RPS6KC1: variants seen among roughly 807,000 people sequenced by gnomAD.
RPS6KC1 encodes the protein ribosomal protein S6 kinase C1, also known as inactive ribosomal protein S6 kinase delta-1.
A neutral mutation model predicts 103.8 loss-of-function variants in RPS6KC1; 54 were observed. The ratio of observed to expected loss-of-function variants is 0.52; its 90% CI spans 0.42 to 0.65. RPS6KC1 has a LOEUF of 0.65. RPS6KC1 is among the 30% of genes least tolerant of loss of function. The pLI, the probability that RPS6KC1 is intolerant of heterozygous loss-of-function variation, is 0.00. For synonymous variants in RPS6KC1, 439 were observed against 438.7 expected, an observed-to-expected ratio of 1.00 and a Z score of -0.01; for missense variants, 1,151 against 1,253.8, an observed-to-expected ratio of 0.92 and a Z score of 1.24.
At chr1:213,076,250 G>A (rs1287196536) in intron 2 of RPS6KC1, among the ~76,000 whole-genome samples, 1 of 152,202 alleles carries the variant, frequency 6.6e-6, no homozygotes, top group Non-Finnish European at 1.5e-5. Context: ...ATTATAGTCT[G>A]CCTAGCCTCC....
chr1:213,681,242 G>A, the RPS6KC1 span, among the ~76,000 whole-genome samples: 3 of 152,192 alleles, frequency 2.0e-5, no homozygotes, highest in African/African-American at 4.8e-5. Context: ...GTTATCACTC[G>A]CACATGTCGC....
At chr1:213,509,278 TC>T in the RPS6KC1 span, among the ~76,000 whole-genome samples, 8 of 152,230 alleles carry the variant, frequency 5.3e-5, no homozygotes, top group South Asian at 1.0e-3. Flanking sequence ...CCTTGGGGGT[TC>T]TGTCTTTACC....
At position 213,051,260 on chromosome 1, in the gene RPS6KC1, G is replaced by A; in HGVS notation, c.-145G>A. Reference sequence around the variant, plus strand: ...TCTGCTGACCCGGAAGCAGAGCTGTGCAGCTGAGGCGCCGCCGTGGAGCCG... The same window carrying A: ...TCTGCTGACCCGGAAGCAGAGCTGTACAGCTGAGGCGCCGCCGTGGAGCCG... On this transcript the variant is annotated 5_prime_UTR_variant, in exon 1 of 15. Transcript: ENST00000366960. 1.6e-6 allele frequency: 1 copy of A among 623,050 alleles called. No homozygotes were observed. Among genetic ancestry groups the A allele is most frequent in the Non-Finnish European group, 2.8e-6 (1 of 352,024 alleles). 38.6% of individuals were successfully genotyped at this position (623,050 alleles called of 1,614,324 possible). A position where few individuals can be genotyped will look rare whatever the true frequency, so the allele number is the denominator to read the frequency against.
chr1:213,472,764 G>A, the RPS6KC1 span, among the ~76,000 whole-genome samples: 3 of 152,164 alleles, frequency 2.0e-5, no homozygotes, highest in South Asian at 2.1e-4. Context: ...TCCCTGGGGA[G>A]TACACAATCT....
At chr1:213,817,191 G>T in the RPS6KC1 span, among the ~76,000 whole-genome samples, 1 of 152,104 alleles carries the variant, frequency 6.6e-6, no homozygotes, top group South Asian at 2.1e-4. Context: ...CCCTGGCAGT[G>T]GCTCCCTCCA....
At chr1:213,626,354 C>A in the RPS6KC1 span, among the ~76,000 whole-genome samples, 44 of 151,944 alleles carry the variant, frequency 2.9e-4, 1 homozygote, top group African/African-American at 8.9e-4. Context: ...AGATTGCAAA[C>A]ATTTTCTCCC....
In RPS6KC1 at chr1:213,168,299, TTGTTCTCC is replaced by T. The variant is rs201402533; in HGVS notation, c.951+327_951+334del. On this transcript the variant is annotated intron_variant, in intron 7 of 14. Transcript: ENST00000366960. ...AAGTTAGATTGTGATTCTTGTATAA[TTGTTCTCC>T]AGTTTTATTGATTCATGTTAAAACT... 1.4e-4 allele frequency among the ~76,000 whole-genome samples: 22 copies of T among 152,204 alleles called. No homozygotes were observed. The East Asian group carries it at 4.2e-3, about 29-fold the overall frequency.
chr1:213,404,886 CAG>C, the RPS6KC1 span, among the ~76,000 whole-genome samples: 109 of 152,314 alleles, frequency 7.2e-4, no homozygotes, highest in African/African-American at 2.6e-3. Context: ...TTAAGCCATG[CAG>C]AGTTTCTGTT....
At chr1:213,581,517 C>T in the RPS6KC1 span, among the ~76,000 whole-genome samples, 2 of 152,010 alleles carry the variant, frequency 1.3e-5, no homozygotes, top group South Asian at 2.1e-4. Context: ...TTGTCCTGCC[C>T]AGAGGCAAGG....
At chr1:213,714,435 CTATT>C in the RPS6KC1 span, among the ~76,000 whole-genome samples, 1 of 152,300 alleles carries the variant, frequency 6.6e-6, no homozygotes, top group African/African-American at 2.4e-5. Flanking sequence ...TTCTCAATGT[CTATT>C]TATCCTTGGT....
At chr1:213,843,827 T>C in the RPS6KC1 span, among the ~76,000 whole-genome samples, 1 of 152,176 alleles carries the variant, frequency 6.6e-6, no homozygotes, top group Non-Finnish European at 1.5e-5. Context: ...TTCTAACCCC[T>C]TCTGTTCTTT....
chr1:213,320,690 C>T, the RPS6KC1 span, among the ~76,000 whole-genome samples: 3 of 152,332 alleles, frequency 2.0e-5, no homozygotes, highest in Admixed American at 1.3e-4. Flanking sequence ...ATCATCAGAC[C>T]AGTGAGTGGA....
chr1:213,251,102 CT>C (rs1235280521), intron 12 of RPS6KC1, among the ~76,000 whole-genome samples: 181 of 100,214 alleles, frequency 1.8e-3, no homozygotes, highest in African/African-American at 5.4e-3. Context: ...GGTTTTTCAG[CT>C]TTTTTTTTTT....
intron 4 of RPS6KC1, among the ~76,000 whole-genome samples, chr1:213,110,560 C>G (rs1428724873): frequency 1.3e-5 from 2 of 152,158 alleles, no homozygotes; most frequent in South Asian, 4.1e-4. Context: ...TGTGGTCAGC[C>G]AGTGCTCGGT....
chr1:213,788,719 A>G, the RPS6KC1 span, among the ~76,000 whole-genome samples: 25 of 152,118 alleles, frequency 1.6e-4, no homozygotes, highest in Non-Finnish European at 4.4e-5. Context: ...CTCTCTTAAC[A>G]TTCCTGGGTC....
chr1:213,606,212 T>C, the RPS6KC1 span, among the ~76,000 whole-genome samples: 1 of 152,244 alleles, frequency 6.6e-6, no homozygotes, highest in East Asian at 1.9e-4. Context: ...ATGGAAGCCA[T>C]GGAGGGTGGG....
chr1:213,243,999 G>A (rs1346316818), intron 12 of RPS6KC1, among the ~76,000 whole-genome samples: 1 of 152,056 alleles, frequency 6.6e-6, no homozygotes, highest in Non-Finnish European at 1.5e-5. Flanking sequence ...GTTCCTGAAA[G>A]CAACTATTAG....
chr1:213,506,204 G>A, the RPS6KC1 span, among the ~76,000 whole-genome samples: 4 of 152,168 alleles, frequency 2.6e-5, no homozygotes, highest in Admixed American at 2.6e-4. Flanking sequence ...CTGAAAATGA[G>A]TCTCCTACTT....
At chr1:213,832,047 C>A in the RPS6KC1 span, among the ~76,000 whole-genome samples, 2 of 152,170 alleles carry the variant, frequency 1.3e-5, no homozygotes, top group Non-Finnish European at 2.9e-5. Flanking sequence ...AATACTGTAA[C>A]CAAGACCCAT....
Sources: gnomAD v4.1 joint callset for allele counts (sites outside exome capture counted in the v4.1 genomes callset) on GRCh38, gnomAD v4.1.1 for gene constraint, MANE v1.5 for transcripts, NCBI Gene and HGNC (gene_info 2026-07-23, HGNC 2026-07-21) for gene names.